Variants in MAN1A2 observed in about 807,000 individuals in gnomAD.
MAN1A2 encodes the protein mannosidase alpha class 1A member 2.
MAN1A2 carries 26 observed loss-of-function variants against 75.7 expected under a neutral mutation model. The ratio of observed to expected loss-of-function variants is 0.34; its 90% CI spans 0.25 to 0.48. The LOEUF is 0.48. Among genes scored for constraint, MAN1A2 ranks in the 20% least tolerant of loss-of-function variants. MAN1A2 has a pLI of 0.99. For synonymous variants in MAN1A2, 247 were observed against 264.6 expected (o/e 0.93, Z 0.65); for missense variants, 562 against 775.5 (o/e 0.72, Z 3.27).
At chr1:117,416,466 A>G (rs536689186) in intron 4 of MAN1A2, among the ~76,000 whole-genome samples, 63 of 152,120 alleles carry the variant, frequency 4.1e-4, no homozygotes, top group Non-Finnish European at 6.0e-4. Context: ...ATTTGGGGAG[A>G]ATTAGCATCT....
chr1:117,388,944 G>T (rs1399296060), intron 1 of MAN1A2, among the ~76,000 whole-genome samples: 1 of 152,106 alleles, frequency 6.6e-6, no homozygotes, highest in Admixed American at 6.5e-5. Context: ...GGTGATTTCT[G>T]ATATCAACAT....
intron 10 of MAN1A2, among the ~76,000 whole-genome samples, chr1:117,498,401 T>C (rs1434417602): frequency 6.6e-6 from 1 of 151,868 alleles, no homozygotes; most frequent in Non-Finnish European, 1.5e-5. Context: ...ATATCATAGT[T>C]ACTATAATTA....
intron 1 of MAN1A2, 21 bp downstream of exon 1, chr1:117,368,506 C>G: frequency 6.4e-7 from 1 of 1,573,828 alleles, no homozygotes; most frequent in African/African-American, 1.4e-5. Flanking sequence ...TTCAGAAGTT[C>G]TGGTACTAAC....
At chr1:117,497,369 A>T (rs1651063759) in intron 10 of MAN1A2, among the ~76,000 whole-genome samples, 1 of 152,002 alleles carries the variant, frequency 6.6e-6, no homozygotes, top group African/African-American at 2.4e-5. Flanking sequence ...TCCTCTTGTG[A>T]TAAGAAGAAT....
At chr1:117,400,947 T>TCATC (rs1647405132) in intron 1 of MAN1A2, among the ~76,000 whole-genome samples, 1 of 152,146 alleles carries the variant, frequency 6.6e-6, no homozygotes, top group Non-Finnish European at 1.5e-5. Context: ...ACCATCACCA[T>TCATC]CATCCATTTC....
intron 4 of MAN1A2, among the ~76,000 whole-genome samples, chr1:117,416,298 T>C (rs1036484202): frequency 2.0e-5 from 3 of 152,160 alleles, no homozygotes; most frequent in Non-Finnish European, 4.4e-5. Flanking sequence ...CTACAATTTT[T>C]TTTATAAGAA....
chr1:117,412,932 A>G (rs909324535), intron 3 of MAN1A2, among the ~76,000 whole-genome samples: 1 of 151,914 alleles, frequency 6.6e-6, no homozygotes, highest in Non-Finnish European at 1.5e-5. Flanking sequence ...AGGACTAAAT[A>G]AATAACTAGG....
At chr1:117,435,668 T>C (rs772906264) in intron 5 of MAN1A2, among the ~76,000 whole-genome samples, 45 of 152,254 alleles carry the variant, frequency 3.0e-4, no homozygotes, top group Non-Finnish European at 5.6e-4. Context: ...AAAACATTAA[T>C]GTATTTGGTT....
At chr1:117,522,532 T>C (rs781258831) in intron 12 of MAN1A2, among the ~76,000 whole-genome samples, 19 of 151,820 alleles carry the variant, frequency 1.3e-4, no homozygotes, top group Non-Finnish European at 1.3e-4. Context: ...GCTCTTAAGA[T>C]TAGGAACAAG....
At chr1:117,418,024 C>T (rs1188422907) in intron 4 of MAN1A2, among the ~76,000 whole-genome samples, 1 of 151,956 alleles carries the variant, frequency 6.6e-6, no homozygotes, top group Non-Finnish European at 1.5e-5. Flanking sequence ...CTAGCCTGGG[C>T]AACAGAGTAA....
intron 6 of MAN1A2, among the ~76,000 whole-genome samples, chr1:117,453,837 A>C (rs1341338829): frequency 6.6e-6 from 1 of 152,194 alleles, no homozygotes; most frequent in African/African-American, 2.4e-5. Context: ...TTGCAGAGAA[A>C]TCAAACAGGA....
At chr1:117,436,384 G>A (rs761336699) in intron 5 of MAN1A2, among the ~76,000 whole-genome samples, 55 of 152,160 alleles carry the variant, frequency 3.6e-4, no homozygotes, top group Admixed American at 7.2e-4. Context: ...TCTTTGGGGT[G>A]GGTGATAATG....
At chr1:117,500,436 G>A (rs1007448565) in intron 11 of MAN1A2, among the ~76,000 whole-genome samples, 2 of 151,860 alleles carry the variant, frequency 1.3e-5, no homozygotes, top group African/African-American at 2.4e-5. Flanking sequence ...TTACAGAACT[G>A]CTAAATGTTT....
chr1:117,419,858 T>C (rs1425749203), intron 4 of MAN1A2, among the ~76,000 whole-genome samples: 1 of 152,064 alleles, frequency 6.6e-6, no homozygotes, highest in African/African-American at 2.4e-5. Context: ...ATTTGCATTT[T>C]AGAAAAATTT....
chr1:117,409,286 G>A (rs1647727917), intron 3 of MAN1A2, among the ~76,000 whole-genome samples: 1 of 151,964 alleles, frequency 6.6e-6, no homozygotes, highest in South Asian at 2.1e-4. Flanking sequence ...TGCTTTTGCT[G>A]CATCCCTGAG....
intron 8 of MAN1A2, among the ~76,000 whole-genome samples, chr1:117,486,188 A>T (rs1193909794): frequency 6.6e-6 from 1 of 152,066 alleles, no homozygotes; most frequent in Non-Finnish European, 1.5e-5. Flanking sequence ...TTAATATATT[A>T]AATATACCAA....
intron 1 of MAN1A2, among the ~76,000 whole-genome samples, chr1:117,374,023 G>A (rs888079129): frequency 1.2e-4 from 18 of 152,062 alleles, no homozygotes; most frequent in African/African-American, 4.1e-4. Context: ...GTTTACTATT[G>A]TTTGAAAATT....
At chr1:117,440,193 GAC>G (rs1482588303) in intron 5 of MAN1A2, among the ~76,000 whole-genome samples, 1 of 152,142 alleles carries the variant, frequency 6.6e-6, no homozygotes, top group African/African-American at 2.4e-5. Context: ...GTTAGAGAGA[GAC>G]AAAGACTCTG....
chr1:117,495,530 T>C (rs1282177774), intron 9 of MAN1A2, among the ~76,000 whole-genome samples: 1 of 151,942 alleles, frequency 6.6e-6, no homozygotes. Flanking sequence ...TCCTTACAGA[T>C]ACCCATATTC....
Sources: gnomAD v4.1 joint callset for allele counts (sites outside exome capture counted in the v4.1 genomes callset) on GRCh38, gnomAD v4.1.1 for gene constraint, MANE v1.5 for transcripts, NCBI Gene and HGNC (gene_info 2026-07-23, HGNC 2026-07-21) for gene names.